The following GTF2E2 variants were observed in gnomAD, a reference collection of about 807,000 sequenced individuals.
The protein encoded by GTF2E2 is general transcription factor IIE subunit 2.
Under a neutral mutation model 40.5 loss-of-function variants are expected in GTF2E2, and 21 were observed. The ratio of observed to expected loss-of-function variants is 0.52; its 90% CI spans 0.37 to 0.75. The LOEUF (loss-of-function observed/expected upper bound fraction) is 0.75, where lower values mean the gene tolerates loss of function less well. Ranked by LOEUF, GTF2E2 falls within the 30% of genes least tolerant of loss-of-function variation. The pLI, the probability that GTF2E2 is intolerant of heterozygous loss-of-function variation, is 0.00. For missense variants in GTF2E2, 298 were observed against 338.4 expected (o/e 0.88, Z 0.94); for synonymous variants, 117 against 121.6 (o/e 0.96, Z 0.25).
At chr8:30,601,890 C>T (rs1829190733) in intron 6 of GTF2E2, among the ~76,000 whole-genome samples, 1 of 152,172 alleles carries the variant, frequency 6.6e-6, no homozygotes, top group South Asian at 2.1e-4. Context: ...GCCAATACAT[C>T]GTAACTATAT....
At chr8:30,625,482 G>C (rs1388543245) in intron 3 of GTF2E2, among the ~76,000 whole-genome samples, 3 of 152,084 alleles carry the variant, frequency 2.0e-5, no homozygotes, top group Non-Finnish European at 4.4e-5. Context: ...CTCACACCAG[G>C]TGATGCTGGT....
At chr8:30,607,012 A>T in intron 6 of GTF2E2, 45 bp downstream of exon 6, 1 of 702,194 alleles carries the variant, frequency 1.4e-6, no homozygotes, top group Non-Finnish European at 2.5e-6. Context: ...CCACCCTAAA[A>T]TTGTAATATA....
At position 30,578,736 on chromosome 8, in the gene GTF2E2, T is replaced by C. The variant is rs1194096019; in HGVS notation, c.*185A>G. On this transcript the variant is annotated 3_prime_UTR_variant, in exon 8 of 8. Coordinates refer to ENST00000355904, the MANE Select transcript of GTF2E2 (RefSeq NM_002095.6). Reference sequence around the variant, plus strand: ...CAGAAGGTTAACAGGGAACATCACATTGCCCATGAGCCCATTCTACTCAAA... The same window carrying C: ...CAGAAGGTTAACAGGGAACATCACACTGCCCATGAGCCCATTCTACTCAAA... 7.8e-6 allele frequency: 4 copies of C among 514,278 alleles called. No homozygotes were observed. The highest frequency in any genetic ancestry group is 1.4e-5 in the Non-Finnish European group (4 of 284,058). The allele number at this position is 514,278 out of a possible 1,614,324, so 31.9% of individuals were successfully genotyped here.
Position 30,578,678 on chromosome 8 carries a change from T to A in GTF2E2, c.*243A>T, listed in dbSNP as rs1828424219. The A allele has an allele frequency of 8.1e-6, 3 of 369,010 alleles. No homozygotes were observed. Among genetic ancestry groups the A allele is most frequent in the African/African-American group, 2.1e-5 (1 of 48,462 alleles). The allele number at this position is 369,010 out of a possible 1,614,324, so 22.9% of individuals were successfully genotyped here. A position where few individuals can be genotyped will look rare whatever the true frequency, so the allele number is the denominator to read the frequency against. ...GAAAAACACAGCAAAGACACCTGCA[T>A]GCCACGCTCAGCGCCTTTCTCCCAG... is the stretch of plus-strand genomic sequence containing the variant. On this transcript the variant is annotated 3_prime_UTR_variant, in exon 8 of 8. Transcript: ENST00000355904.
intron 2 of GTF2E2, chr8:30,636,915 T>C: frequency 2.4e-6 from 1 of 419,532 alleles, no homozygotes; most frequent in Non-Finnish European, 4.6e-6. Context: ...GTTTCAATTA[T>C]GAAATATTAC....
chr8:30,629,142 A>G (rs762806708), intron 3 of GTF2E2, among the ~76,000 whole-genome samples: 3 of 152,162 alleles, frequency 2.0e-5, no homozygotes, highest in Non-Finnish European at 4.4e-5. Flanking sequence ...ATTGGTTCAT[A>G]TATTTTAAAA....
intron 2 of GTF2E2, among the ~76,000 whole-genome samples, chr8:30,638,253 G>A (rs1251069522): frequency 2.0e-5 from 3 of 152,120 alleles, no homozygotes; most frequent in African/African-American, 7.2e-5. Context: ...GGCAAACCTG[G>A]ACTGTTTGTT....
intron 6 of GTF2E2, among the ~76,000 whole-genome samples, chr8:30,596,610 T>C (rs1389077168): frequency 6.6e-6 from 1 of 152,204 alleles, no homozygotes; most frequent in East Asian, 1.9e-4. Flanking sequence ...CTCAATTCCA[T>C]GTCTCGTAGT....
intron 6 of GTF2E2, among the ~76,000 whole-genome samples, chr8:30,588,054 T>C (rs1295983099): frequency 6.6e-6 from 1 of 152,024 alleles, no homozygotes; most frequent in African/African-American, 2.4e-5. Flanking sequence ...ATGGTTATCC[T>C]CAAAAAGAGG....
At chr8:30,618,601 T>C (rs1325258239) in intron 3 of GTF2E2, among the ~76,000 whole-genome samples, 1 of 152,130 alleles carries the variant, frequency 6.6e-6, no homozygotes, top group African/African-American at 2.4e-5. Flanking sequence ...CATTGTACAA[T>C]GGTTTCACAA....
chr8:30,610,298 T>G (rs1210941635), intron 5 of GTF2E2, among the ~76,000 whole-genome samples: 2 of 151,510 alleles, frequency 1.3e-5, no homozygotes, highest in Non-Finnish European at 2.9e-5. Flanking sequence ...ATAAAAAAAT[T>G]AGTTGGGTGT....
At chr8:30,580,494 A>T (rs984527307) in intron 6 of GTF2E2, 98 bp from the exon 7 acceptor site, 1 of 715,072 alleles carries the variant, frequency 1.4e-6, no homozygotes, top group Admixed American at 2.0e-5. Context: ...TCTGGATCCA[A>T]ATGAGCACAT....
At position 30,658,214 on chromosome 8, in the gene GTF2E2, C is replaced by T. The variant is rs1180690907; in HGVS notation, c.-246G>A. The T allele has an allele frequency of 1.6e-5, 3 of 181,930 alleles. No homozygotes were observed. Among genetic ancestry groups the T allele is most frequent in the South Asian group, 8.7e-5 (1 of 11,436 alleles). The allele number at this position is 181,930 out of a possible 1,614,324, so 11.3% of individuals were successfully genotyped here. The stretch of plus-strand genomic sequence containing the variant: ...ACCCGGGACTCCGCCCGCCACTTCC[C>T]GATCGGGTGCTAGGAGCTCAGTCCC... On this transcript the variant is annotated 5_prime_UTR_variant, in exon 1 of 8. Coordinates refer to ENST00000355904, the MANE Select transcript of GTF2E2 (RefSeq NM_002095.6).
chr8:30,625,204 GTTTT>G (rs897946558), intron 3 of GTF2E2, among the ~76,000 whole-genome samples: 1 of 151,118 alleles, frequency 6.6e-6, no homozygotes, highest in Non-Finnish European at 1.5e-5. Context: ...TTTATTGAGG[GTTTT>G]TTTTTAGTAT....
chr8:30,583,797 A>T (rs1828587304), intron 6 of GTF2E2, among the ~76,000 whole-genome samples: 3 of 151,236 alleles, frequency 2.0e-5, no homozygotes, highest in South Asian at 4.2e-4. Context: ...TTATTTATTT[A>T]TTTTATTTAT....
intron 2 of GTF2E2, among the ~76,000 whole-genome samples, chr8:30,646,806 C>T (rs1184514568): frequency 6.6e-6 from 1 of 151,518 alleles, no homozygotes. Context: ...ATGGTGAAAC[C>T]CCGTCTATAC....
chr8:30,614,535 A>G, intron 4 of GTF2E2, 73 bp downstream of exon 4: 1 of 833,366 alleles, frequency 1.2e-6, no homozygotes, highest in East Asian at 2.5e-5. Flanking sequence ...GCAACAGAGC[A>G]AGACTCTGTC....
intron 4 of GTF2E2, among the ~76,000 whole-genome samples, chr8:30,612,937 G>C (rs1829522071): frequency 6.6e-6 from 1 of 152,160 alleles, no homozygotes; most frequent in African/African-American, 2.4e-5. Context: ...AATACAAACT[G>C]GCAGGCCTAA....
At chr8:30,637,920 G>A (rs1214710340) in intron 2 of GTF2E2, among the ~76,000 whole-genome samples, 2 of 152,192 alleles carry the variant, frequency 1.3e-5, no homozygotes, top group African/African-American at 4.8e-5. Context: ...ATTCTGTTGT[G>A]CTTAGACCAT....
Sources: allele counts gnomAD v4.1 joint callset (sites outside exome capture counted in the v4.1 genomes callset), GRCh38; gene constraint gnomAD v4.1.1; transcripts MANE v1.5; gene names NCBI Gene and HGNC (gene_info 2026-07-23, HGNC 2026-07-21).